Variants in MARCHF1 observed in about 807,000 individuals in gnomAD.
MARCHF1 encodes E3 ubiquitin-protein ligase MARCHF1.
MARCHF1 carries 40 observed loss-of-function variants against 54.2 expected under a neutral mutation model. That is an observed-to-expected ratio of 0.74 (90% CI 0.57 to 0.96). The LOEUF is 0.96. Ranked by LOEUF, MARCHF1 falls within the 40% of genes least tolerant of loss-of-function variation. MARCHF1 has a pLI of 0.00. For synonymous variants in MARCHF1, 236 were observed against 236.3 expected, an observed-to-expected ratio of 1.00 and a Z score of 0.01; for missense variants, 586 against 656.5, an observed-to-expected ratio of 0.89 and a Z score of 1.17.
chr4:164,278,392 A>T (rs1018517329), intron 1 of MARCHF1, among the ~76,000 whole-genome samples: 5 of 152,224 alleles, frequency 3.3e-5, no homozygotes, highest in African/African-American at 1.2e-4. Context: ...GAACATTAAA[A>T]GCTTTCTTCC....
At chr4:163,616,233 T>TA (rs1177587566) in intron 5 of MARCHF1, among the ~76,000 whole-genome samples, 1 of 152,054 alleles carries the variant, frequency 6.6e-6, no homozygotes, top group Non-Finnish European at 1.5e-5. Context: ...TACATCAAAC[T>TA]AAAAAGCAAA....
intron 8 of MARCHF1, among the ~76,000 whole-genome samples, chr4:163,550,450 G>A (rs747853704): frequency 1.3e-5 from 2 of 150,946 alleles, no homozygotes; most frequent in African/African-American, 4.9e-5. Context: ...TAGAATGATA[G>A]ACCAAAAAAT....
chr4:164,127,317 T>TA (rs1756205663), intron 1 of MARCHF1, among the ~76,000 whole-genome samples: 3 of 152,122 alleles, frequency 2.0e-5, no homozygotes, highest in Non-Finnish European at 4.4e-5. Context: ...AGAAACAACT[T>TA]AGAGTTTTTT....
chr4:163,598,575 G>C lies in MARCHF1; in HGVS notation c.1011-12646C>G, dbSNP rs188653772. On this transcript the variant is annotated intron_variant, in intron 7 of 9. Transcript: ENST00000514618. ...GTTACTGTACTGAATACTGTGGACAGTTGTAACACAACGATAAGTATTTGA... is the reference window on the plus strand; with the variant it reads ...GTTACTGTACTGAATACTGTGGACACTTGTAACACAACGATAAGTATTTGA... Among the ~76,000 whole-genome samples the C allele has an allele frequency of 4.2e-3, 640 of 152,310 alleles. 1 individual carries two copies. The highest frequency in any genetic ancestry group is 6.3e-3 in the Non-Finnish European group (426 of 68,022).
At chr4:164,236,157 C>A (rs1732547288) in intron 1 of MARCHF1, among the ~76,000 whole-genome samples, 1 of 152,098 alleles carries the variant, frequency 6.6e-6, no homozygotes, top group Admixed American at 6.6e-5. Flanking sequence ...TTGTCAGTCC[C>A]ACTAGTTTAT....
chr4:163,955,100 T>A (rs1752205046), intron 3 of MARCHF1, among the ~76,000 whole-genome samples: 1 of 151,624 alleles, frequency 6.6e-6, no homozygotes, highest in Non-Finnish European at 1.5e-5. Context: ...GGAGGTGGAA[T>A]GTATGTTTCC....
chr4:164,096,025 A>C (rs1304129164), intron 2 of MARCHF1, among the ~76,000 whole-genome samples: 1 of 152,126 alleles, frequency 6.6e-6, no homozygotes, highest in Non-Finnish European at 1.5e-5. Flanking sequence ...TAAAGAACTA[A>C]AAAAAGAACT....
At chr4:164,228,956 G>T (rs1289601893) in intron 1 of MARCHF1, among the ~76,000 whole-genome samples, 1 of 152,116 alleles carries the variant, frequency 6.6e-6, no homozygotes, top group Non-Finnish European at 1.5e-5. Flanking sequence ...AGAAACAAAG[G>T]GAAAGGGGAA....
intron 1 of MARCHF1, among the ~76,000 whole-genome samples, chr4:164,145,193 CAA>C (rs1729643242): frequency 1.3e-5 from 2 of 151,238 alleles, no homozygotes; most frequent in African/African-American, 4.9e-5. Context: ...GCTTACCAAC[CAA>C]AAAGAGTCCA....
intron 2 of MARCHF1, among the ~76,000 whole-genome samples, chr4:164,069,296 C>A (rs1754805269): frequency 6.6e-6 from 1 of 152,120 alleles, no homozygotes; most frequent in African/African-American, 2.4e-5. Context: ...TGGGTGGGGC[C>A]AGATAAGAGA....
intron 5 of MARCHF1, among the ~76,000 whole-genome samples, chr4:163,667,844 C>G (rs1743596639): frequency 6.6e-6 from 1 of 152,114 alleles, no homozygotes; most frequent in African/African-American, 2.4e-5. Flanking sequence ...CCAAGCTGGT[C>G]TTGAACTCCT....
intron 3 of MARCHF1, among the ~76,000 whole-genome samples, chr4:163,953,791 C>T (rs1406228902): frequency 1.3e-5 from 2 of 152,038 alleles, no homozygotes; most frequent in Admixed American, 6.5e-5. Context: ...AATTTCAGTG[C>T]TCATGTAGTT....
intron 4 of MARCHF1, among the ~76,000 whole-genome samples, chr4:163,752,046 A>G (rs554532846): frequency 1.3e-5 from 2 of 152,332 alleles, no homozygotes; most frequent in Middle Eastern, 3.4e-3. Context: ...ATATCTGGAC[A>G]CATGATGGAA....
intron 2 of MARCHF1, among the ~76,000 whole-genome samples, chr4:164,069,208 C>A (rs1306311348): frequency 6.6e-6 from 1 of 152,152 alleles, no homozygotes; most frequent in Non-Finnish European, 1.5e-5. Context: ...TCAATCAGCA[C>A]CCTGTCAAAA....
intron 3 of MARCHF1, among the ~76,000 whole-genome samples, chr4:163,922,305 T>C (rs1228692637): frequency 6.6e-6 from 1 of 152,068 alleles, no homozygotes; most frequent in Non-Finnish European, 1.5e-5. Flanking sequence ...ATGGTACATG[T>C]ATACATATGT....
rs147068175 is a variant in MARCHF1 at position 163,666,919 on chromosome 4, T to G, written c.162+33894A>C. On this transcript the variant is annotated intron_variant, in intron 5 of 9. Transcript: ENST00000514618. ...TATGCGTGGACTCTGAGGACTCTAATCTTTTTGAGAGAAGGGACCATTTTA... is the reference window on the plus strand; with the variant it reads ...TATGCGTGGACTCTGAGGACTCTAAGCTTTTTGAGAGAAGGGACCATTTTA... 4.7e-3 allele frequency among the ~76,000 whole-genome samples: 718 copies of G among 152,238 alleles called. 21 individuals carry two copies. The highest frequency in any genetic ancestry group is 0.04 in the Admixed American group (613 of 15,280).
intron 1 of MARCHF1, among the ~76,000 whole-genome samples, chr4:164,290,200 C>T (rs79513777): frequency 0.017 from 2,576 of 151,980 alleles, 86 homozygotes; most frequent in African/African-American, 0.058. Flanking sequence ...ATCTTGTATC[C>T]TTGGCACCTT....
At chr4:164,163,761 A>G (rs1381874036) in intron 1 of MARCHF1, among the ~76,000 whole-genome samples, 1 of 151,952 alleles carries the variant, frequency 6.6e-6, no homozygotes, top group African/African-American at 2.4e-5. Flanking sequence ...TTTATAGAGT[A>G]TTCCACTAAT....
intron 9 of MARCHF1, chr4:163,529,733 A>G (rs902123799): frequency 5.9e-5 from 9 of 152,114 alleles, no homozygotes; most frequent in Admixed American, 1.3e-4. Context: ...CATTACTAGA[A>G]ATAGGCTTTC....
Sources: allele counts gnomAD v4.1 joint callset (sites outside exome capture counted in the v4.1 genomes callset), GRCh38; gene constraint gnomAD v4.1.1; transcripts MANE v1.5; gene names NCBI Gene and HGNC (gene_info 2026-07-23, HGNC 2026-07-21).